COX10: variants seen among roughly 807,000 people sequenced by gnomAD.
COX10 encodes the protein protoheme IX farnesyltransferase, mitochondrial.
A neutral mutation model predicts 37.3 loss-of-function variants in COX10; 27 were observed. The observed-to-expected ratio is 0.72, with a 90% confidence interval of 0.53 to 1.00. The LOEUF (loss-of-function observed/expected upper bound fraction) is 1.00, where lower values mean the gene tolerates loss of function less well. COX10 is among the 50% of genes least tolerant of loss of function. The probability of loss-of-function intolerance (pLI) is 0.00; values close to 1 mark genes in which losing one functional copy is unlikely to be tolerated. For synonymous variants in COX10, 222 were observed against 229.1 expected (o/e 0.97, Z 0.28); for missense variants, 475 against 563.2 (o/e 0.84, Z 1.59).
chr17:14,128,894 G>A (rs1224891739), intron 4 of COX10, among the ~76,000 whole-genome samples: 2 of 152,136 alleles, frequency 1.3e-5, no homozygotes, highest in African/African-American at 2.4e-5. Context: ...GCGCCCAGGC[G>A]AGAGTGCAGT....
intron 4 of COX10, among the ~76,000 whole-genome samples, chr17:14,134,121 G>A (rs1044682191): frequency 6.6e-6 from 1 of 151,600 alleles, no homozygotes; most frequent in Non-Finnish European, 1.5e-5. Context: ...GCTTCATAAG[G>A]TAGACTCCAT....
chr17:14,179,235 T>C (rs559823358), intron 5 of COX10: 136 of 983,300 alleles, frequency 1.4e-4, no homozygotes, highest in Middle Eastern at 1.0e-3. Flanking sequence ...ACCGTTCATC[T>C]ACCATCTCTT....
intron 4 of COX10, among the ~76,000 whole-genome samples, chr17:14,116,343 C>T (rs927408529): frequency 2.0e-5 from 3 of 152,134 alleles, no homozygotes; most frequent in Non-Finnish European, 2.9e-5. Flanking sequence ...TTCAAAGATA[C>T]ATTTTCTCAT....
intron 4 of COX10, among the ~76,000 whole-genome samples, chr17:14,159,361 G>A (rs916787976): frequency 6.6e-6 from 1 of 152,172 alleles, no homozygotes; most frequent in Non-Finnish European, 1.5e-5. Flanking sequence ...TATTTACAAC[G>A]CTAATGCTTC....
intron 4 of COX10, among the ~76,000 whole-genome samples, chr17:14,147,200 T>C (rs148046063): frequency 0.012 from 1,879 of 152,330 alleles, 12 homozygotes; most frequent in African/African-American, 0.021. Flanking sequence ...TACACTCCCA[T>C]GTTTGTTGCA....
intron 3 of COX10, among the ~76,000 whole-genome samples, chr17:14,100,397 G>C (rs1915750034): frequency 6.6e-6 from 1 of 152,190 alleles, no homozygotes; most frequent in East Asian, 1.9e-4. Flanking sequence ...AGGAGTCAGA[G>C]TGTAGTAAGT....
intron 6 of COX10, among the ~76,000 whole-genome samples, chr17:14,196,747 T>C (rs1906379642): frequency 6.6e-6 from 1 of 152,150 alleles, no homozygotes; most frequent in Non-Finnish European, 1.5e-5. Flanking sequence ...CTCCACTTCC[T>C]TCTCTCTCCA....
intron 5 of COX10, among the ~76,000 whole-genome samples, chr17:14,163,236 A>AATTTATGTATTT (rs1555538785): frequency 6.8e-6 from 1 of 146,462 alleles, no homozygotes; most frequent in Non-Finnish European, 1.5e-5. Context: ...AAGACAGGAA[A>AATTTATGTATTT]ATTTATTTAT....
At chr17:14,160,534 A>G (rs1421576601) in intron 5 of COX10, among the ~76,000 whole-genome samples, 1 of 152,226 alleles carries the variant, frequency 6.6e-6, no homozygotes, top group East Asian at 1.9e-4. Context: ...GCCTAGAAGA[A>G]TAAAAAGGGC....
At chr17:14,080,436 A>G (rs1915267075) in intron 3 of COX10, among the ~76,000 whole-genome samples, 1 of 151,772 alleles carries the variant, frequency 6.6e-6, no homozygotes, top group Non-Finnish European at 1.5e-5. Flanking sequence ...GATGGTCTCA[A>G]TCTCCTGACC....
intron 4 of COX10, among the ~76,000 whole-genome samples, chr17:14,116,697 G>C (rs555195083): frequency 6.6e-6 from 1 of 152,270 alleles, no homozygotes; most frequent in East Asian, 1.9e-4. Context: ...TGGAAGTTGT[G>C]AGGAATGATT....
At chr17:14,136,067 A>G (rs1391799007) in intron 4 of COX10, among the ~76,000 whole-genome samples, 1 of 151,980 alleles carries the variant, frequency 6.6e-6, no homozygotes, top group African/African-American at 2.4e-5. Flanking sequence ...AACAAAGAAA[A>G]TGTAAAGGTG....
At chr17:14,189,923 T>G (rs1277203722) in intron 5 of COX10, among the ~76,000 whole-genome samples, 1 of 152,082 alleles carries the variant, frequency 6.6e-6, no homozygotes, top group Admixed American at 6.6e-5. Flanking sequence ...AGAAAGTAAT[T>G]TATTTGATGC....
chr17:14,144,582 A>C (rs1904655056), intron 4 of COX10, among the ~76,000 whole-genome samples: 1 of 152,108 alleles, frequency 6.6e-6, no homozygotes, highest in Non-Finnish European at 1.5e-5. Context: ...GTTTTTAGTG[A>C]GCTTTAATAC....
chr17:14,071,061 A>C (rs2142178019), intron 1 of COX10, among the ~76,000 whole-genome samples: 1 of 152,228 alleles, frequency 6.6e-6, no homozygotes, highest in Admixed American at 6.5e-5. Flanking sequence ...TTTTTGAATC[A>C]CTTCTTTGTT....
intron 6 of COX10, among the ~76,000 whole-genome samples, chr17:14,195,652 A>G (rs1057108384): frequency 2.6e-5 from 4 of 152,232 alleles, no homozygotes; most frequent in Non-Finnish European, 5.9e-5. Flanking sequence ...CTGTGGTCTC[A>G]CTAAAGTCTA....
At chr17:14,115,158 T>C (rs1169580469) in intron 4 of COX10, among the ~76,000 whole-genome samples, 4 of 152,268 alleles carry the variant, frequency 2.6e-5, no homozygotes, top group Admixed American at 6.5e-5. Flanking sequence ...TAAAAGGGGC[T>C]AAACACACAG....
chr17:14,143,467 C>T (rs1287109193), intron 4 of COX10, among the ~76,000 whole-genome samples: 1 of 152,060 alleles, frequency 6.6e-6, no homozygotes, highest in Non-Finnish European at 1.5e-5. Flanking sequence ...AGCAATTTTA[C>T]CTAAGCTGAA....
intron 4 of COX10, among the ~76,000 whole-genome samples, chr17:14,138,169 T>C (rs1209308161): frequency 6.6e-6 from 1 of 152,102 alleles, no homozygotes; most frequent in Non-Finnish European, 1.5e-5. Context: ...TTTTCAATAA[T>C]ACACACATGC....
Sources: gnomAD v4.1 joint callset for allele counts (sites outside exome capture counted in the v4.1 genomes callset) on GRCh38, gnomAD v4.1.1 for gene constraint, MANE v1.5 for transcripts, NCBI Gene and HGNC (gene_info 2026-07-23, HGNC 2026-07-21) for gene names.